Variants in CLASP1 observed in about 807,000 individuals in gnomAD.
CLASP1 encodes CLIP-associating protein 1.
A neutral mutation model predicts 192.3 loss-of-function variants in CLASP1; 38 were observed. That is an observed-to-expected ratio of 0.20 (90% CI 0.15 to 0.26). CLASP1 has a LOEUF of 0.26. Ranked by LOEUF, CLASP1 falls within the 10% of genes least tolerant of loss-of-function variation. The pLI is 1.00. For synonymous variants in CLASP1, 691 were observed against 712.8 expected, an observed-to-expected ratio of 0.97 and a Z score of 0.49; for missense variants, 1,433 against 1,932.5, an observed-to-expected ratio of 0.74 and a Z score of 4.85.
At chr2:121,461,430 A>G (rs1432938884) in intron 10 of CLASP1, among the ~76,000 whole-genome samples, 1 of 152,220 alleles carries the variant, frequency 6.6e-6, no homozygotes, top group Non-Finnish European at 1.5e-5. Context: ...TAGCTTTACT[A>G]TAAACTTAAC....
At chr2:121,521,480 C>A (rs751835026) in intron 6 of CLASP1, among the ~76,000 whole-genome samples, 13 of 152,174 alleles carry the variant, frequency 8.5e-5, no homozygotes, top group Non-Finnish European at 1.8e-4. Flanking sequence ...GCCCAAGACT[C>A]CGGCTCCGAG....
chr2:121,554,811 C>G (rs1315781247), intron 2 of CLASP1, among the ~76,000 whole-genome samples: 1 of 152,070 alleles, frequency 6.6e-6, no homozygotes, highest in Non-Finnish European at 1.5e-5. Flanking sequence ...GGTTGCACAA[C>G]TCTGTAATTT....
chr2:121,378,967 TAAAAAAAAA>T (rs34669815), intron 33 of CLASP1, among the ~76,000 whole-genome samples: 1 of 130,562 alleles, frequency 7.7e-6, no homozygotes, highest in African/African-American at 2.8e-5. Flanking sequence ...TATTCTGCCT[TAAAAAAAAA>T]AAAAAAAAAA....
intron 34 of CLASP1, among the ~76,000 whole-genome samples, chr2:121,374,130 C>T (rs1195120781): frequency 1.3e-5 from 2 of 152,244 alleles, no homozygotes; most frequent in Non-Finnish European, 2.9e-5. Context: ...CAGGGCCCTG[C>T]TGCTTTCTGC....
At chr2:121,646,303 C>A (rs1476873297) in intron 1 of CLASP1, among the ~76,000 whole-genome samples, 1 of 152,146 alleles carries the variant, frequency 6.6e-6, no homozygotes, top group Non-Finnish European at 1.5e-5. Flanking sequence ...TGTAGAGACA[C>A]AGGGTTTCAC....
chr2:121,431,032 G>A (rs1040834270), intron 19 of CLASP1, among the ~76,000 whole-genome samples: 6 of 150,290 alleles, frequency 4.0e-5, no homozygotes, highest in South Asian at 2.1e-4. Flanking sequence ...ATGCCTCTCC[G>A]GCCGTAACTC....
intron 14 of CLASP1, among the ~76,000 whole-genome samples, chr2:121,453,163 T>C (rs1435888386): frequency 6.6e-6 from 1 of 152,146 alleles, no homozygotes; most frequent in Non-Finnish European, 1.5e-5. Flanking sequence ...CATGGTGGCA[T>C]GCACTAATAA....
intron 6 of CLASP1, 74 bp from the exon 7 acceptor site, chr2:121,515,836 C>A: frequency 8.9e-7 from 1 of 1,123,904 alleles, no homozygotes; most frequent in Admixed American, 1.9e-5. Context: ...CACAACAGGC[C>A]ATATACCACC....
At chr2:121,594,353 G>A (rs2062847476) in intron 2 of CLASP1, among the ~76,000 whole-genome samples, 1 of 151,604 alleles carries the variant, frequency 6.6e-6, no homozygotes, top group African/African-American at 2.4e-5. Context: ...GACAACAGGT[G>A]AAATTTGAGT....
chr2:121,361,053 C>T (rs767648490), intron 37 of CLASP1, among the ~76,000 whole-genome samples: 8 of 152,178 alleles, frequency 5.3e-5, no homozygotes, highest in Non-Finnish European at 2.9e-5. Context: ...CAACTTTAGA[C>T]AGATATCTTC....
At chr2:121,401,759 G>A (rs1485333539) in intron 27 of CLASP1, 87 bp from the exon 29 acceptor site, 1 of 1,132,252 alleles carries the variant, frequency 8.8e-7, no homozygotes, top group East Asian at 2.4e-5. Context: ...GCCCATACGT[G>A]CTTTGCCCAG....
intron 8 of CLASP1, among the ~76,000 whole-genome samples, chr2:121,499,465 T>C (rs12611458): frequency 0.2 from 30,597 of 151,346 alleles, 5,772 homozygotes; most frequent in African/African-American, 0.5. Flanking sequence ...GGTGATGAAG[T>C]ATTTTAGATT....
rs80140264 is a variant in CLASP1, at chr2:121,535,550, A to C, written c.196-5225T>G. Among the ~76,000 whole-genome samples, 32 of 152,334 alleles carry C rather than the reference A, an allele frequency of 2.1e-4. 2 individuals are homozygous for C. In the East Asian group the frequency reaches 6.2e-3, roughly 29 times the overall value. ...GCAAAAAGATGGAATATTCAAAAGA[A>C]TAGGCAAGAGAGAATAGAGAGAAAA... On this transcript the variant is annotated intron_variant, in intron 2 of 39. Coordinates refer to ENST00000263710, the Ensembl canonical transcript of CLASP1.
intron 34 of CLASP1, among the ~76,000 whole-genome samples, chr2:121,371,505 C>T (rs1189712725): frequency 6.6e-6 from 1 of 151,936 alleles, no homozygotes; most frequent in Admixed American, 6.6e-5. Flanking sequence ...TCCCAAAGTG[C>T]TGGGATTGCA....
In CLASP1 at chr2:121,375,073, G is replaced by T. The variant is rs183339820; in HGVS notation, c.3642+2426C>A. 2.1e-3 allele frequency among the ~76,000 whole-genome samples: 322 copies of T among 152,294 alleles called. 1 individual carries two copies. The highest frequency in any genetic ancestry group is 7.4e-3 in the African/African-American group (309 of 41,558). On this transcript the variant is annotated intron_variant, in intron 34 of 39. Transcript: ENST00000263710. The stretch of plus-strand genomic sequence containing the variant: ...CCCCACCCAAATCTCATGTCAAACT[G>T]TAATTCCCAATGTCGGGGGAGGAAC...
chr2:121,573,306 TAAAC>T (rs1054459758), intron 2 of CLASP1, among the ~76,000 whole-genome samples: 2 of 152,218 alleles, frequency 1.3e-5, no homozygotes, highest in African/African-American at 4.8e-5. Flanking sequence ...AAGGAACGTG[TAAAC>T]AATGTGACAG....
chr2:121,478,500 C>T (rs2091917499), intron 8 of CLASP1, among the ~76,000 whole-genome samples: 1 of 151,986 alleles, frequency 6.6e-6, no homozygotes, highest in South Asian at 2.1e-4. Flanking sequence ...ACTCAGGAGG[C>T]TGAGGCAGGA....
At chr2:121,515,693 G>A in exon 7 of CLASP1, 1 of 1,613,918 alleles carries the variant, frequency 6.2e-7, no homozygotes, top group Non-Finnish European at 8.5e-7. Context: ...TTTTTACTGA[G>A]ATCTGCCCTC....
intron 2 of CLASP1, among the ~76,000 whole-genome samples, chr2:121,552,296 C>T (rs1336645970): frequency 6.6e-6 from 1 of 152,260 alleles, no homozygotes; most frequent in East Asian, 1.9e-4. Context: ...GTTTTCATGA[C>T]AAAGACACCA....
Sources: gnomAD v4.1 joint callset for allele counts (sites outside exome capture counted in the v4.1 genomes callset) on GRCh38, gnomAD v4.1.1 for gene constraint, MANE v1.5 for transcripts, NCBI Gene and HGNC (gene_info 2026-07-23, HGNC 2026-07-21) for gene names.